Variants in IGBP1C observed in about 807,000 individuals in gnomAD.
IGBP1C encodes the protein IGBP1 family member C, also known as immunoglobulin-binding protein 1 family member C.
the IGBP1C span, among the ~76,000 whole-genome samples, chr17:58,673,565 G>A: frequency 6.6e-6 from 1 of 151,540 alleles, no homozygotes; most frequent in South Asian, 2.1e-4. Context: ...TATTTGTATT[G>A]TTTTGTTTTT....
At chr17:58,686,382 A>T in the IGBP1C span, among the ~76,000 whole-genome samples, 1 of 152,120 alleles carries the variant, frequency 6.6e-6, no homozygotes, top group African/African-American at 2.4e-5. Context: ...TGGTTCATGG[A>T]GGCAGGAAAT....
chr17:58,660,735 T>C, the IGBP1C span: 5 of 781,256 alleles, frequency 6.4e-6, no homozygotes, highest in African/African-American at 6.8e-5. Flanking sequence ...GGTGTTGCCT[T>C]GGCTATTCCC....
At chr17:58,686,920 C>A in the IGBP1C span, among the ~76,000 whole-genome samples, 1 of 123,834 alleles carries the variant, frequency 8.1e-6, no homozygotes, top group South Asian at 2.8e-4. Flanking sequence ...ATCACCCACC[C>A]TAGAGCGCAG....
the IGBP1C span, among the ~76,000 whole-genome samples, chr17:58,685,365 G>A: frequency 6.6e-6 from 1 of 150,930 alleles, no homozygotes; most frequent in African/African-American, 2.4e-5. Flanking sequence ...GAACGTGGGA[G>A]GTGGAGGTTG....
At chr17:58,666,082 G>A in the IGBP1C span, among the ~76,000 whole-genome samples, 1 of 150,510 alleles carries the variant, frequency 6.6e-6, no homozygotes, top group Non-Finnish European at 1.5e-5. Flanking sequence ...CATGGCTCAC[G>A]CCTGTAATTC....
At chr17:58,672,655 G>A in the IGBP1C span, among the ~76,000 whole-genome samples, 1 of 152,062 alleles carries the variant, frequency 6.6e-6, no homozygotes, top group Admixed American at 6.6e-5. Flanking sequence ...ATGTTGGCCA[G>A]GCTGGCCTCG....
chr17:58,688,159 C>T, the IGBP1C span, among the ~76,000 whole-genome samples: 2 of 152,206 alleles, frequency 1.3e-5, no homozygotes, highest in South Asian at 4.2e-4. Flanking sequence ...TTCCTCTTGT[C>T]GCCCAGGCTG....
the IGBP1C span, among the ~76,000 whole-genome samples, chr17:58,691,131 C>T: frequency 1.3e-5 from 2 of 152,032 alleles, no homozygotes; most frequent in Non-Finnish European, 2.9e-5. Context: ...GCTGGGATTA[C>T]AGGCACGAGC....
At chr17:58,676,767 C>T in the IGBP1C span, among the ~76,000 whole-genome samples, 2 of 152,090 alleles carry the variant, frequency 1.3e-5, no homozygotes, top group East Asian at 3.9e-4. Context: ...GGGAGGATCA[C>T]TTGAGGCCAA....
chr17:58,684,033 C>T, the IGBP1C span, among the ~76,000 whole-genome samples: 2 of 152,090 alleles, frequency 1.3e-5, no homozygotes, highest in African/African-American at 4.8e-5. Context: ...CCACTGCACT[C>T]CAGCCTGGCT....
the IGBP1C span, among the ~76,000 whole-genome samples, chr17:58,684,003 T>C: frequency 7.9e-5 from 12 of 152,034 alleles, no homozygotes; most frequent in Non-Finnish European, 1.5e-4. Context: ...AGACGGAGGT[T>C]GCAGTGAGCC....
the IGBP1C span, among the ~76,000 whole-genome samples, chr17:58,683,448 A>C: frequency 2.6e-5 from 4 of 151,636 alleles, no homozygotes; most frequent in Admixed American, 6.6e-5. Flanking sequence ...TTATAAACTG[A>C]ATCTAGTAGA....
the IGBP1C span, among the ~76,000 whole-genome samples, chr17:58,686,864 T>A: frequency 7.8e-5 from 3 of 38,472 alleles, no homozygotes; most frequent in East Asian, 1.7e-3. Flanking sequence ...AGGTCACCTT[T>A]TTTTTTTTTT....
At chr17:58,682,056 G>A in the IGBP1C span, among the ~76,000 whole-genome samples, 1 of 151,882 alleles carries the variant, frequency 6.6e-6, no homozygotes, top group South Asian at 2.1e-4. Flanking sequence ...TGACCCCCAG[G>A]GGTCAAGTGA....
the IGBP1C span, among the ~76,000 whole-genome samples, chr17:58,686,813 T>C: frequency 2.0e-5 from 3 of 150,620 alleles, no homozygotes; most frequent in East Asian, 1.9e-4. Context: ...CTGAACAACA[T>C]TGACTTCTTT....
chr17:58,665,611 C>T, the IGBP1C span, among the ~76,000 whole-genome samples: 2 of 151,172 alleles, frequency 1.3e-5, no homozygotes, highest in African/African-American at 4.9e-5. Flanking sequence ...AAACAAAAAA[C>T]AAAAAAACCC....
chr17:58,690,532 G>A, the IGBP1C span, among the ~76,000 whole-genome samples: 2 of 152,174 alleles, frequency 1.3e-5, no homozygotes, highest in African/African-American at 4.8e-5. Flanking sequence ...CACTGAGTTT[G>A]ACCAAACTAA....
At chr17:58,674,800 T>A in the IGBP1C span, among the ~76,000 whole-genome samples, 1,299 of 146,516 alleles carry the variant, frequency 8.9e-3, 20 homozygotes, top group African/African-American at 0.03. Context: ...AATAAAGTGG[T>A]TAAAAAAAAA....
chr17:58,663,480 T>C, the IGBP1C span, among the ~76,000 whole-genome samples: 3 of 151,980 alleles, frequency 2.0e-5, no homozygotes, highest in Non-Finnish European at 4.4e-5. Context: ...ATTTTTTTTT[T>C]TTTTAAGACA....
Sources: gnomAD v4.1 joint callset for allele counts (sites outside exome capture counted in the v4.1 genomes callset) on GRCh38, gnomAD v4.1.1 for gene constraint, MANE v1.5 for transcripts, NCBI Gene and HGNC (gene_info 2026-07-23, HGNC 2026-07-21) for gene names.